The following LAMA1 variants were observed in gnomAD, a reference collection of about 807,000 sequenced individuals.
LAMA1 encodes the protein laminin subunit alpha 1.
In LAMA1, 219 loss-of-function variants were observed where a neutral mutation model predicts 348.7. The ratio of observed to expected loss-of-function variants is 0.63; its 90% CI spans 0.56 to 0.70. The LOEUF is 0.70. Ranked by LOEUF, LAMA1 falls within the 30% of genes least tolerant of loss-of-function variation. The pLI is 0.00. For synonymous variants in LAMA1, 1,487 were observed against 1,491.0 expected (o/e 1.00, Z 0.06); for missense variants, 3,744 against 3,888.0 (o/e 0.96, Z 0.99).
In LAMA1 at chr18:7,044,814, T is replaced by C. The variant is rs369274990; in HGVS notation, c.884A>G (p.Asn295Ser). Residue 295 changes from asparagine (N) to serine (S), a missense_variant, in exon 7 of 63, where the codon AAT becomes AGT. This residue lies in a region of LAMA1 where 1,529 missense variants were observed against 1,689.4 expected (regional missense o/e 0.91). Coordinates refer to ENST00000389658, the MANE Select transcript of LAMA1 (RefSeq NM_005559.4). ...CCTGTTACAGCTCTCCCCGCAAGTA[T>C]TATGCTCACATTGACACTGCAGTTT... ...TKKLQCQCEHNTCGESCNRCC... is the reference protein window; with the variant it reads ...TKKLQCQCEHSTCGESCNRCC... 6 of 1,614,030 alleles carry C rather than the reference T, an allele frequency of 3.7e-6. No homozygotes were observed. Among genetic ancestry groups the C allele is most frequent in the East Asian group, 4.5e-5 (2 of 44,890 alleles).
chr18:6,990,967 T>A (rs2057755871), intron 36 of LAMA1, among the ~76,000 whole-genome samples: 1 of 152,078 alleles, frequency 6.6e-6, no homozygotes, highest in Admixed American at 6.5e-5. Context: ...ACTGAGATGA[T>A]CACAGAACAC....
intron 1 of LAMA1, among the ~76,000 whole-genome samples, chr18:7,101,576 T>C (rs1000397779): frequency 2.0e-5 from 3 of 152,246 alleles, no homozygotes; most frequent in African/African-American, 7.2e-5. Flanking sequence ...TGATTATCTA[T>C]GTGGTCAGAT....
At chr18:7,048,434 T>C (rs9945999) in intron 5 of LAMA1, among the ~76,000 whole-genome samples, 5,376 of 152,230 alleles carry the variant, frequency 0.035, 329 homozygotes, top group African/African-American at 0.12. Flanking sequence ...ATTTTTTAAA[T>C]AGAGTTGAGG....
intron 3 of LAMA1, among the ~76,000 whole-genome samples, chr18:7,071,356 C>T (rs2058145231): frequency 6.6e-6 from 1 of 152,204 alleles, no homozygotes; most frequent in African/African-American, 2.4e-5. Flanking sequence ...AATGCTATAA[C>T]CCATATCTAT....
intron 57 of LAMA1, chr18:6,954,076 C>T (rs1312308647): frequency 6.6e-6 from 1 of 152,248 alleles, no homozygotes; most frequent in Non-Finnish European, 1.5e-5. Context: ...GTGCACAGGG[C>T]TCTGAGCTAA....
chr18:6,951,236 C>T (rs1195602042), intron 57 of LAMA1, among the ~76,000 whole-genome samples: 1 of 152,168 alleles, frequency 6.6e-6, no homozygotes, highest in Non-Finnish European at 1.5e-5. Flanking sequence ...TACAGAAACA[C>T]ATCAGACAGT....
chr18:7,075,664 G>A lies in LAMA1; in HGVS notation c.345+4311C>T, dbSNP rs192940004. 1.3e-3 allele frequency among the ~76,000 whole-genome samples: 193 copies of A among 152,100 alleles called. 1 individual carries two copies. The highest frequency in any genetic ancestry group is 2.3e-3 in the Non-Finnish European group (159 of 67,998). ...GAAGAAAGAAAGCACTAGGCTGGGCGCGGTGGCTTACGCCGGTAATTCCAG... is the reference window on the plus strand; with the variant it reads ...GAAGAAAGAAAGCACTAGGCTGGGCACGGTGGCTTACGCCGGTAATTCCAG... On this transcript the variant is annotated intron_variant, in intron 3 of 62. Transcript: ENST00000389658.
At chr18:7,115,003 G>A (rs542288421) in intron 1 of LAMA1, among the ~76,000 whole-genome samples, 22 of 152,244 alleles carry the variant, frequency 1.4e-4, no homozygotes, top group African/African-American at 5.3e-4. Context: ...TTTAATGTCT[G>A]GAAAAGAAGA....
intron 14 of LAMA1, among the ~76,000 whole-genome samples, chr18:7,033,751 T>C (rs966023766): frequency 6.6e-6 from 1 of 151,984 alleles, no homozygotes; most frequent in African/African-American, 2.4e-5. Context: ...CTTTTTTTTT[T>C]TGAGACAAAG....
intron 36 of LAMA1, among the ~76,000 whole-genome samples, chr18:6,987,662 A>C (rs1247874733): frequency 6.6e-6 from 1 of 152,202 alleles, no homozygotes; most frequent in Non-Finnish European, 1.5e-5. Context: ...TTCTATGGAA[A>C]ATGCCCTGTA....
chr18:7,063,651 T>C (rs562851532), intron 3 of LAMA1, among the ~76,000 whole-genome samples: 26 of 152,232 alleles, frequency 1.7e-4, no homozygotes, highest in Non-Finnish European at 3.1e-4. Context: ...ATGCATACAA[T>C]GGAATATTAT....
chr18:7,083,425 C>T (rs984347058), intron 1 of LAMA1, among the ~76,000 whole-genome samples: 1 of 151,826 alleles, frequency 6.6e-6, no homozygotes, highest in African/African-American at 2.4e-5. Context: ...ACCTCAAGTG[C>T]TCCACTCGTC....
At chr18:7,077,734 T>C (rs147960514) in intron 3 of LAMA1, among the ~76,000 whole-genome samples, 62 of 152,238 alleles carry the variant, frequency 4.1e-4, no homozygotes, top group African/African-American at 1.4e-3. Context: ...TTTTACTTTT[T>C]CCTTTAGAAA....
chr18:6,941,962 C>T lies in LAMA1; in HGVS notation c.*117G>A, dbSNP rs1320015791. ...TGTAACGTAAACACAACATCTCTCC[C>T]CAGAAACACTTAACCTGAGTTGGAA... On this transcript the variant is annotated 3_prime_UTR_variant, in exon 63 of 63. Coordinates refer to ENST00000389658, the MANE Select transcript of LAMA1 (RefSeq NM_005559.4). 2.3e-6 allele frequency: 3 copies of T among 1,321,018 alleles called. No individual in the cohort carries two copies. In the Admixed American group the frequency reaches 5.0e-5, roughly 22 times the overall value. 81.8% of individuals were successfully genotyped at this position (1,321,018 alleles called of 1,614,324 possible).
chr18:7,006,335 T>A (rs1697135357), intron 29 of LAMA1, among the ~76,000 whole-genome samples: 2 of 152,076 alleles, frequency 1.3e-5, no homozygotes, highest in Non-Finnish European at 2.9e-5. Flanking sequence ...CACTAACATG[T>A]GAATAATGTG....
At chr18:7,002,028 A>C (rs1267470976) in intron 30 of LAMA1, among the ~76,000 whole-genome samples, 2 of 152,228 alleles carry the variant, frequency 1.3e-5, no homozygotes, top group Non-Finnish European at 2.9e-5. Context: ...CAAAACCTAA[A>C]AGTCCTTTCT....
At chr18:6,952,087 A>C (rs2057549506) in intron 57 of LAMA1, among the ~76,000 whole-genome samples, 1 of 152,126 alleles carries the variant, frequency 6.6e-6, no homozygotes, top group Non-Finnish European at 1.5e-5. Flanking sequence ...AGAGCTACAC[A>C]GGTAGGTTCT....
At chr18:7,005,512 G>A (rs560374606) in intron 29 of LAMA1, among the ~76,000 whole-genome samples, 21 of 152,352 alleles carry the variant, frequency 1.4e-4, no homozygotes, top group African/African-American at 5.1e-4. Flanking sequence ...ACCTTGGGAG[G>A]CCAAGGCAGG....
intron 14 of LAMA1, 76 bp from the exon 15 acceptor site, chr18:7,033,171 A>G: frequency 9.0e-7 from 1 of 1,115,124 alleles, no homozygotes; most frequent in Non-Finnish European, 1.3e-6. Flanking sequence ...TGGGCTCCTA[A>G]AAGATTTAAA....
Sources: gnomAD v4.1 joint callset for allele counts (sites outside exome capture counted in the v4.1 genomes callset) on GRCh38, gnomAD v4.1.1 for gene constraint, gnomAD v4.1.1 regional missense constraint, MANE v1.5 for transcripts, NCBI Gene and HGNC (gene_info 2026-07-23, HGNC 2026-07-21) for gene names.